FAM153A: variants seen among roughly 807,000 people sequenced by gnomAD.
The protein encoded by FAM153A is family with sequence similarity 153 member A.
Under a neutral mutation model 48.1 loss-of-function variants are expected in FAM153A, and 12 were observed. The observed-to-expected ratio is 0.25, with a 90% CI of 0.16 to 0.40. FAM153A has a LOEUF of 0.40. Ranked by LOEUF, FAM153A falls within the 10% of genes least tolerant of loss-of-function variation. The probability of loss-of-function intolerance (pLI) is 1.00; values close to 1 mark genes in which losing one functional copy is unlikely to be tolerated. For synonymous variants in FAM153A, 36 were observed against 118.2 expected (o/e 0.30, Z 4.51); for missense variants, 111 against 345.8 (o/e 0.32, Z 5.38).
upstream of FAM153A, among the ~76,000 whole-genome samples, chr5:177,754,661 C>A (rs867997245): frequency 2.0e-5 from 3 of 151,990 alleles, no homozygotes; most frequent in Middle Eastern, 3.4e-3. Context: ...AATCAGGCAG[C>A]ATCATTTGCT....
At chr5:177,706,200 G>T (rs540986300), downstream of FAM153A, among the ~76,000 whole-genome samples, 1,145 of 151,200 alleles carry the variant, frequency 7.6e-3, 21 homozygotes, top group African/African-American at 0.026. Flanking sequence ...TTTTTTTGTT[G>T]TTGTTGTTGT....
At chr5:177,773,880 AG>A (rs1363724187) in intron 1 of FAM153A, among the ~76,000 whole-genome samples, 1 of 107,426 alleles carries the variant, frequency 9.3e-6, no homozygotes, top group Non-Finnish European at 1.8e-5. Context: ...TTACCCTCAA[AG>A]GGAAGCCCAT....
At chr5:177,781,298 G>GTTTT, upstream of FAM153A, among the ~76,000 whole-genome samples, 1 of 114,974 alleles carries the variant, frequency 8.7e-6, no homozygotes, top group African/African-American at 3.7e-5. Context: ...TGTATTTTTA[G>GTTTT]TACAGACAGG....
At chr5:177,721,913 A>G (rs1412460119), downstream of FAM153A, 1 of 150,370 alleles carries the variant, frequency 6.7e-6, no homozygotes, top group Non-Finnish European at 1.5e-5. Context: ...TTACCATACT[A>G]TGGATTTGTT....
the FAM153A span, among the ~76,000 whole-genome samples, chr5:177,697,802 C>A: frequency 6.6e-6 from 1 of 151,664 alleles, no homozygotes; most frequent in African/African-American, 2.4e-5. Flanking sequence ...AAGATCAGGG[C>A]TGGACACTTT....
intron 25 of FAM153A, among the ~76,000 whole-genome samples, chr5:177,715,275 C>T (rs924469146): frequency 6.7e-6 from 1 of 150,320 alleles, no homozygotes; most frequent in Non-Finnish European, 1.5e-5. Context: ...AGCCACCGCA[C>T]CCGGCCATCT....
At chr5:177,771,009 AT>A (rs1769081209) in intron 1 of FAM153A, among the ~76,000 whole-genome samples, 1 of 98,230 alleles carries the variant, frequency 1.0e-5, no homozygotes. Flanking sequence ...TGAATCTGTT[AT>A]TATGATATAT....
chr5:177,696,148 G>C, the FAM153A span, among the ~76,000 whole-genome samples: 1 of 135,060 alleles, frequency 7.4e-6, no homozygotes, highest in Non-Finnish European at 1.6e-5. Flanking sequence ...CCCAGACGGG[G>C]TGGCGGCTGG....
At chr5:177,730,713 C>A (rs199748486) in intron 16 of FAM153A, among the ~76,000 whole-genome samples, 904 of 139,136 alleles carry the variant, frequency 6.5e-3, no homozygotes, top group African/African-American at 0.021. Context: ...GTAGCTCATG[C>A]CATTAACCTT....
chr5:177,707,635 A>G (rs535928826), downstream of FAM153A, among the ~76,000 whole-genome samples: 135 of 150,618 alleles, frequency 9.0e-4, 2 homozygotes, highest in South Asian at 0.027. Flanking sequence ...TTTTTTTTTG[A>G]GACGGAGTCT....
At position 177,765,252 on chromosome 5, in the gene FAM153A, C is replaced by A. The variant is rs1282426821; in HGVS notation, c.-57+15197G>T. On this transcript the variant is annotated intron_variant, in intron 1 of 8. Transcript: ENST00000393518. ...GCATCTGCACTTGGCCTAATAAAGACAACAGTGAACATCTGGGCCATCCCC... is the reference window on the plus strand; with the variant it reads ...GCATCTGCACTTGGCCTAATAAAGAAAACAGTGAACATCTGGGCCATCCCC... Among the ~76,000 whole-genome samples the A allele has an allele frequency of 2.0e-5, 2 of 99,150 alleles. 1 individual carries two copies. The highest frequency in any genetic ancestry group is 4.2e-5 in the Non-Finnish European group (2 of 47,422). 65.0% of individuals were successfully genotyped at this position (99,150 alleles called of 152,430 possible). A position where few individuals can be genotyped will look rare whatever the true frequency, so the allele number is the denominator to read the frequency against.
chr5:177,759,344 A>G (rs1768074496), intron 1 of FAM153A, among the ~76,000 whole-genome samples: 1 of 151,766 alleles, frequency 6.6e-6, no homozygotes, highest in Admixed American at 6.6e-5. Flanking sequence ...ATGTGGAGAA[A>G]TAGGAACACT....
At chr5:177,707,392 A>C (rs933069867), downstream of FAM153A, among the ~76,000 whole-genome samples, 4 of 151,896 alleles carry the variant, frequency 2.6e-5, 1 homozygote, top group African/African-American at 9.7e-5. Context: ...TATATAAATA[A>C]TGGTAATGGT....
chr5:177,731,085 T>C (rs1763769135), intron 16 of FAM153A, among the ~76,000 whole-genome samples: 1 of 56,856 alleles, frequency 1.8e-5, no homozygotes, highest in Admixed American at 2.0e-4. Context: ...GTAGCATGGT[T>C]AGAGTACTGG....
At chr5:177,728,765 C>T (rs1763187687) in intron 18 of FAM153A, among the ~76,000 whole-genome samples, 1 of 150,518 alleles carries the variant, frequency 6.6e-6, no homozygotes, top group Non-Finnish European at 1.5e-5. Flanking sequence ...TGGGGTTTCT[C>T]AATGTCAGTC....
In FAM153A at chr5:177,740,523, T is replaced by C. The variant is rs1053911370; in HGVS notation, c.466+254A>G. Reference sequence around the variant, plus strand: ...TGGATGTGTGGGCTGAATAAGGGCATGTGGAACACTTGTGGCCATCATGTT... The same window carrying C: ...TGGATGTGTGGGCTGAATAAGGGCACGTGGAACACTTGTGGCCATCATGTT... On this transcript the variant is annotated intron_variant, in intron 8 of 20. Transcript: ENST00000614127. Among the ~76,000 whole-genome samples the C allele has an allele frequency of 1.8e-5, 2 of 112,440 alleles. 1 individual carries two copies. The highest frequency in any genetic ancestry group is 5.9e-5 in the African/African-American group (2 of 33,854). The allele number at this position is 112,440 out of a possible 152,430, so 73.8% of individuals were successfully genotyped here. A position where few individuals can be genotyped will look rare whatever the true frequency, so the allele number is the denominator to read the frequency against.
chr5:177,768,287 T>G (rs1441924475), intron 1 of FAM153A, among the ~76,000 whole-genome samples: 3 of 151,494 alleles, frequency 2.0e-5, no homozygotes, highest in Non-Finnish European at 4.4e-5. Context: ...TTCAGCCATC[T>G]GGAAGCTCTC....
chr5:177,764,231 T>G (rs1454274744), intron 1 of FAM153A, among the ~76,000 whole-genome samples: 1 of 147,952 alleles, frequency 6.8e-6, no homozygotes. Context: ...CTGTGAGCAC[T>G]TGGGCCTGTC....
chr5:177,755,175 C>A (rs759720943), upstream of FAM153A, among the ~76,000 whole-genome samples: 1 of 151,846 alleles, frequency 6.6e-6, no homozygotes, highest in African/African-American at 2.4e-5. Context: ...GGCATGAGAA[C>A]TATGTGACAA....
Sources: allele counts gnomAD v4.1 joint callset (sites outside exome capture counted in the v4.1 genomes callset), GRCh38; gene constraint gnomAD v4.1.1; transcripts MANE v1.5; gene names NCBI Gene and HGNC (gene_info 2026-07-23, HGNC 2026-07-21).